TLK2: variants seen among roughly 807,000 people sequenced by gnomAD.
TLK2 encodes the protein serine/threonine-protein kinase tousled-like 2.
A neutral mutation model predicts 117.3 loss-of-function variants in TLK2; 6 were observed. The ratio of observed to expected loss-of-function variants is 0.05; its 90% confidence interval spans 0.03 to 0.10. The LOEUF (loss-of-function observed/expected upper bound fraction) is 0.10, where lower values mean the gene tolerates loss of function less well. Ranked by LOEUF, TLK2 falls within the 10% of genes least tolerant of loss-of-function variation. TLK2 has a pLI of 1.00. For synonymous variants in TLK2, 257 were observed against 316.7 expected (o/e 0.81, Z 2.00); for missense variants, 299 against 901.2 (o/e 0.33, Z 8.56).
intron 2 of TLK2, among the ~76,000 whole-genome samples, chr17:62,512,642 T>C (rs1165103854): frequency 6.6e-6 from 1 of 151,986 alleles, no homozygotes; most frequent in Admixed American, 6.6e-5. Context: ...GTCAGTAATT[T>C]GTTTCCTCAT....
chr17:62,575,569 A>G (rs554924207), intron 12 of TLK2, among the ~76,000 whole-genome samples: 65 of 152,358 alleles, frequency 4.3e-4, no homozygotes, highest in Middle Eastern at 3.4e-3. Context: ...ATATCTAAAA[A>G]TATTAAATAT....
At position 62,594,413 on chromosome 17, in the gene TLK2, C is replaced by CA. The variant is rs1263383634; in HGVS notation, c.1461-2165dup. On this transcript the variant is annotated intron_variant, in intron 16 of 21. Transcript: ENST00000346027. ...ACAGAGCGAGACTCCATCTCAAAAACAAAAAAAGTGCAGTACATAAGCCCT... is the reference window on the plus strand; with the variant it reads ...ACAGAGCGAGACTCCATCTCAAAAACAAAAAAAAGTGCAGTACATAAGCCCT... 2.6e-5 allele frequency among the ~76,000 whole-genome samples: 4 copies of CA among 151,688 alleles called. No individual in the cohort carries two copies. The East Asian group carries it at 5.8e-4, about 22-fold the overall frequency.
At chr17:62,512,689 C>T (rs1222674318) in intron 2 of TLK2, among the ~76,000 whole-genome samples, 1 of 151,916 alleles carries the variant, frequency 6.6e-6, no homozygotes, top group Non-Finnish European at 1.5e-5. Context: ...TTTTGATGAG[C>T]TTCCATTTAT....
intron 7 of TLK2, among the ~76,000 whole-genome samples, chr17:62,549,419 A>AAAAAAAAAAGT (rs2078237825): frequency 1.3e-4 from 1 of 7,760 alleles, no homozygotes; most frequent in African/African-American, 2.1e-4. Context: ...AAAAAAAAAA[A>AAAAAAAAAAGT]AAAAAAAAAA....
chr17:62,507,489 T>G (rs1206071008), intron 2 of TLK2: 1 of 152,174 alleles, frequency 6.6e-6, no homozygotes, highest in African/African-American at 2.4e-5. Flanking sequence ...CATAGAGACC[T>G]TTAGTTTTTT....
chr17:62,573,748 C>T (rs1457092474), intron 12 of TLK2, among the ~76,000 whole-genome samples: 4 of 152,160 alleles, frequency 2.6e-5, no homozygotes, highest in Admixed American at 2.6e-4. Flanking sequence ...CTGAAGAATG[C>T]TCTTTACTGG....
intron 5 of TLK2, 56 bp from the exon 6 acceptor site, chr17:62,524,180 A>C (rs1398219009): frequency 1.3e-6 from 2 of 1,576,748 alleles, no homozygotes; most frequent in African/African-American, 1.4e-5. Flanking sequence ...TACTCTCCTT[A>C]TCTGAAGCAT....
At chr17:62,594,747 G>A (rs553038943) in intron 16 of TLK2, among the ~76,000 whole-genome samples, 10 of 152,124 alleles carry the variant, frequency 6.6e-5, no homozygotes, top group South Asian at 2.1e-4. Context: ...GGGGCAAGGT[G>A]GGAGCCACCC....
chr17:62,594,376 C>T (rs776446395), intron 16 of TLK2, among the ~76,000 whole-genome samples: 2 of 152,108 alleles, frequency 1.3e-5, no homozygotes, highest in African/African-American at 4.8e-5. Flanking sequence ...CCACTGCACT[C>T]CAGCCTTGGC....
chr17:62,594,001 C>G (rs1174282691), intron 16 of TLK2, among the ~76,000 whole-genome samples: 3 of 151,630 alleles, frequency 2.0e-5, no homozygotes, highest in African/African-American at 7.3e-5. Flanking sequence ...CCATGGTGGC[C>G]AGGCTGGCCT....
chr17:62,593,152 A>G (rs1272200325), intron 16 of TLK2, among the ~76,000 whole-genome samples: 3 of 152,278 alleles, frequency 2.0e-5, no homozygotes, highest in East Asian at 1.9e-4. Flanking sequence ...TTGTGTTACT[A>G]ATTGTGTATC....
At chr17:62,565,958 G>A (rs2079752895) in intron 11 of TLK2, among the ~76,000 whole-genome samples, 1 of 152,160 alleles carries the variant, frequency 6.6e-6, no homozygotes, top group African/African-American at 2.4e-5. Flanking sequence ...TCACTTCCTG[G>A]AAGGCAGTGG....
rs539785105 is a variant in TLK2 at position 62,531,541 on chromosome 17, A to G, written c.364-4629A>G. Among the ~76,000 whole-genome samples the G allele has an allele frequency of 2.6e-3, 394 of 152,080 alleles. 2 individuals are homozygous for G. The highest frequency in any genetic ancestry group is 9.0e-3 in the African/African-American group (373 of 41,480). ...GTTTCTGGTGTCCCTTGTTTTTCTT[A>G]GTTGTTGTTCATGGCTTTATTTCTT... On this transcript the variant is annotated intron_variant, in intron 6 of 21. Transcript: ENST00000346027.
chr17:62,536,429 G>C, intron 7 of TLK2, 92 bp downstream of exon 7: 1 of 1,358,962 alleles, frequency 7.4e-7, no homozygotes, highest in Non-Finnish European at 9.8e-7. Flanking sequence ...GAGAGATAGG[G>C]ACATTTCTAA....
intron 2 of TLK2, among the ~76,000 whole-genome samples, chr17:62,508,137 A>G (rs1046898511): frequency 2.0e-5 from 3 of 150,284 alleles, no homozygotes; most frequent in African/African-American, 7.3e-5. Context: ...AAATTAACAA[A>G]TTTAAACCAG....
intron 9 of TLK2, among the ~76,000 whole-genome samples, chr17:62,554,289 A>C (rs2146238832): frequency 6.6e-6 from 1 of 152,272 alleles, no homozygotes; most frequent in Non-Finnish European, 1.5e-5. Context: ...TAAAGAGTAA[A>C]AAGGGCCGGA....
intron 19 of TLK2, among the ~76,000 whole-genome samples, chr17:62,605,837 G>T (rs2083250233): frequency 6.6e-6 from 1 of 151,682 alleles, no homozygotes; most frequent in Admixed American, 6.6e-5. Flanking sequence ...AGACCCCACT[G>T]CTACAAATTT....
chr17:62,546,194 G>T (rs945083821), intron 7 of TLK2, among the ~76,000 whole-genome samples: 5 of 151,994 alleles, frequency 3.3e-5, no homozygotes, highest in Admixed American at 2.0e-4. Context: ...AATTTCTTTT[G>T]TAGAGACAGG....
intron 2 of TLK2, among the ~76,000 whole-genome samples, chr17:62,520,119 G>C (rs1322048424): frequency 6.6e-6 from 1 of 152,168 alleles, no homozygotes; most frequent in Non-Finnish European, 1.5e-5. Context: ...GCTCTAGGAG[G>C]GTATGGGGCA....
Sources: allele counts gnomAD v4.1 joint callset (sites outside exome capture counted in the v4.1 genomes callset), GRCh38; gene constraint gnomAD v4.1.1; transcripts MANE v1.5; gene names NCBI Gene and HGNC (gene_info 2026-07-23, HGNC 2026-07-21).